PRDM1: variants seen among roughly 807,000 people sequenced by gnomAD.
PRDM1 encodes the protein PR domain zinc finger protein 1.
PRDM1 carries 13 observed loss-of-function variants against 62.8 expected under a neutral mutation model. The observed-to-expected ratio is 0.21, with a 90% CI of 0.13 to 0.33. The LOEUF is 0.33. PRDM1 is among the 10% of genes least tolerant of loss of function. PRDM1 has a pLI of 1.00. For missense variants in PRDM1, 895 were observed against 1,058.8 expected, an observed-to-expected ratio of 0.85 and a Z score of 2.15; for synonymous variants, 396 against 417.6, an observed-to-expected ratio of 0.95 and a Z score of 0.63.
chr6:106,098,109 C>T (rs372095998), intron 3 of PRDM1: 3 of 658,546 alleles, frequency 4.6e-6, no homozygotes, highest in South Asian at 6.8e-5. Context: ...ATAGTCGGTA[C>T]GTGAGTAAGG....
chr6:106,005,692 T>C (rs559898291), intron 1 of PRDM1, among the ~76,000 whole-genome samples: 21 of 152,278 alleles, frequency 1.4e-4, no homozygotes, highest in Admixed American at 7.2e-4. Context: ...ACGTATCAAA[T>C]TGAAGAATTT....
At chr6:106,095,356 TC>T (rs1323376193) in intron 2 of PRDM1, among the ~76,000 whole-genome samples, 1 of 152,186 alleles carries the variant, frequency 6.6e-6, no homozygotes, top group Admixed American at 6.5e-5. Flanking sequence ...AAATAAAAGA[TC>T]CCGTATTACC....
At chr6:106,015,646 C>T (rs1183734146) in intron 1 of PRDM1, among the ~76,000 whole-genome samples, 3 of 151,950 alleles carry the variant, frequency 2.0e-5, no homozygotes, top group Non-Finnish European at 4.4e-5. Flanking sequence ...GGGACTTCTC[C>T]CTATTTATCT....
chr6:106,073,919 G>C (rs1019433831), intron 1 of PRDM1, among the ~76,000 whole-genome samples: 12 of 152,206 alleles, frequency 7.9e-5, no homozygotes. Flanking sequence ...GGTTTCTGCA[G>C]TAGAAAACAT....
rs142087246 is a variant in PRDM1 at position 106,101,838 on chromosome 6, T to C, written c.664+2286T>C. 3.5e-3 allele frequency among the ~76,000 whole-genome samples: 534 copies of C among 152,246 alleles called. 3 individuals carry two copies. Among genetic ancestry groups the C allele is most frequent in the African/African-American group, 0.012 (493 of 41,526 alleles). On this transcript the variant is annotated intron_variant, in intron 4 of 6. Transcript: ENST00000369096. ...GCGGTAGAGTTTGGAGAAGAAGGGA[T>C]TTGAAACAAACCAAAGGAAAGAAAA...
intron 1 of PRDM1, among the ~76,000 whole-genome samples, chr6:106,059,462 G>T (rs1773313009): frequency 6.6e-6 from 1 of 152,174 alleles, no homozygotes; most frequent in African/African-American, 2.4e-5. Flanking sequence ...TAGAGAACAA[G>T]TGGGAGAATG....
At chr6:106,073,861 G>T (rs762924255) in intron 1 of PRDM1, among the ~76,000 whole-genome samples, 2 of 152,152 alleles carry the variant, frequency 1.3e-5, no homozygotes, top group Non-Finnish European at 2.9e-5. Context: ...TTAGAGAGGT[G>T]ATATTGAAGC....
chr6:106,048,429 A>T (rs934733750), upstream of PRDM1, among the ~76,000 whole-genome samples: 1 of 152,102 alleles, frequency 6.6e-6, no homozygotes, highest in African/African-American at 2.4e-5. Context: ...ATGAGTGTGT[A>T]GTTATGGGCA....
At chr6:106,006,141 A>T (rs1310685766) in intron 1 of PRDM1, among the ~76,000 whole-genome samples, 1 of 152,192 alleles carries the variant, frequency 6.6e-6, no homozygotes, top group Non-Finnish European at 1.5e-5. Flanking sequence ...TATTCTGGGG[A>T]CAGCAGGAAC....
intron 1 of PRDM1, among the ~76,000 whole-genome samples, chr6:106,004,034 C>T (rs1364452299): frequency 6.6e-6 from 1 of 151,952 alleles, no homozygotes; most frequent in African/African-American, 2.4e-5. Context: ...ATGCTCTCCC[C>T]CACTTTTCTG....
At chr6:106,036,994 A>G (rs769094098) in intron 1 of PRDM1, among the ~76,000 whole-genome samples, 2 of 152,012 alleles carry the variant, frequency 1.3e-5, no homozygotes, top group African/African-American at 2.4e-5. Flanking sequence ...ATTTCTTCAC[A>G]TGGCTTCAGG....
chr6:106,059,397 G>A (rs1773312452), intron 1 of PRDM1, among the ~76,000 whole-genome samples: 1 of 152,160 alleles, frequency 6.6e-6, no homozygotes, highest in South Asian at 2.1e-4. Context: ...GAATGTGCTT[G>A]TTTGTCAAAG....
At position 106,106,353 on chromosome 6, in the gene PRDM1, CAT is replaced by C. The variant is rs1774489229; in HGVS notation, c.1774-17_1774-16del. 6.2e-7 allele frequency: 1 copy of C among 1,613,958 alleles called. No individual in the cohort carries two copies. The highest frequency in any genetic ancestry group is 1.3e-5 in the African/African-American group (1 of 75,064). Reference sequence around the variant, plus strand: ...AGCCAGCTTGAGAGCAGAGCTAACACATGTGGCTTCTTCCCAGGTCCACCTGA... The same window carrying C: ...AGCCAGCTTGAGAGCAGAGCTAACACGTGGCTTCTTCCCAGGTCCACCTGA... On this transcript the variant is annotated splice_polypyrimidine_tract_variant and intron_variant, in intron 5 of 6. Coordinates refer to ENST00000369096, the MANE Select transcript of PRDM1 (RefSeq NM_001198.4). This position sits in a 1 kb window ranked among gnomAD's most constrained non-coding sequence, Gnocchi z 4.4.
rs191277850 is a variant in PRDM1, at chr6:106,016,007, G to A, written c.-67+22368G>A. 8.5e-3 allele frequency among the ~76,000 whole-genome samples: 1,291 copies of A among 151,978 alleles called. 5 individuals carry two copies. The highest frequency in any genetic ancestry group is 0.014 in the Non-Finnish European group (966 of 67,964). ...TAACTTTTCCCCTTCCTCAGCCCCTGGCAACTTCTATTATACTTTGTTTAT... is the reference window on the plus strand; with the variant it reads ...TAACTTTTCCCCTTCCTCAGCCCCTAGCAACTTCTATTATACTTTGTTTAT... On this transcript the variant is annotated intron_variant, in intron 1 of 6. Coordinates refer to the PRDM1 transcript ENST00000652320.
chr6:106,020,889 G>A (rs1393693373), intron 1 of PRDM1, among the ~76,000 whole-genome samples: 5 of 152,172 alleles, frequency 3.3e-5, no homozygotes, highest in African/African-American at 4.8e-5. Context: ...ACTTTGAGCA[G>A]GCCAGCCTAG....
In PRDM1 at chr6:106,106,239, A is replaced by C; in HGVS notation, c.1774-132A>C. ...GAAAAACACCATTCTGAAAACATGA[A>C]GATTTCTTCTTTTTAAGACTGTCTT... On this transcript the variant is annotated intron_variant, in intron 5 of 6. Transcript: ENST00000369096. This position sits in a 1 kb window ranked among gnomAD's most constrained non-coding sequence, Gnocchi z 4.4. The C allele has an allele frequency of 7.3e-7, 1 of 1,377,098 alleles. No homozygotes were observed. Among genetic ancestry groups the C allele is most frequent in the Non-Finnish European group, 9.8e-7 (1 of 1,015,844 alleles). 85.3% of individuals were successfully genotyped at this position (1,377,098 alleles called of 1,614,324 possible). A position where few individuals can be genotyped will look rare whatever the true frequency, so the allele number is the denominator to read the frequency against.
chr6:106,074,990 G>C (rs1399579178), intron 1 of PRDM1, among the ~76,000 whole-genome samples: 6 of 152,072 alleles, frequency 3.9e-5, no homozygotes, highest in African/African-American at 2.4e-5. Context: ...TAATGTTTAA[G>C]GTTAATAGTC....
At chr6:106,028,029 CT>C (rs1562147858) in intron 1 of PRDM1, among the ~76,000 whole-genome samples, 1 of 152,222 alleles carries the variant, frequency 6.6e-6, no homozygotes, top group African/African-American at 2.4e-5. Flanking sequence ...TTGGAGAGCT[CT>C]TCTGCATTCC....
At chr6:106,000,104 C>A (rs1474080847) in intron 1 of PRDM1, among the ~76,000 whole-genome samples, 1 of 152,218 alleles carries the variant, frequency 6.6e-6, no homozygotes, top group Non-Finnish European at 1.5e-5. Context: ...CCGCCTTGGC[C>A]TCCCAAAGTG....
Sources: gnomAD v4.1 joint callset for allele counts (sites outside exome capture counted in the v4.1 genomes callset) on GRCh38, gnomAD v4.1.1 for gene constraint, Gnocchi (gnomAD v3.1) non-coding constraint, MANE v1.5 for transcripts, NCBI Gene and HGNC (gene_info 2026-07-23, HGNC 2026-07-21) for gene names.